The following DPY19L1 variants were observed in gnomAD, a reference collection of about 807,000 sequenced individuals.
DPY19L1 encodes protein C-mannosyl-transferase DPY19L1.
A neutral mutation model predicts 96.9 loss-of-function variants in DPY19L1; 35 were observed. The ratio of observed to expected loss-of-function variants is 0.36; its 90% CI spans 0.28 to 0.48. The LOEUF (loss-of-function observed/expected upper bound fraction) is 0.48, where lower values mean the gene tolerates loss of function less well. DPY19L1 is among the 20% of genes least tolerant of loss of function. The pLI is 0.99. For synonymous variants in DPY19L1, 205 were observed against 252.6 expected (o/e 0.81, Z 1.79); for missense variants, 521 against 777.9 (o/e 0.67, Z 3.93).
intron 21 of DPY19L1, among the ~76,000 whole-genome samples, chr7:34,932,300 A>G (rs1783770010): frequency 6.6e-6 from 1 of 152,236 alleles, no homozygotes; most frequent in South Asian, 2.1e-4. Flanking sequence ...CATTTAATAC[A>G]CCTAATCTAC....
chr7:34,994,213 CAT>C (rs1161965650), intron 6 of DPY19L1, among the ~76,000 whole-genome samples: 3 of 152,044 alleles, frequency 2.0e-5, no homozygotes, highest in Non-Finnish European at 2.9e-5. Context: ...CTAAAGGAAA[CAT>C]ATTAGGGATC....
intron 6 of DPY19L1, among the ~76,000 whole-genome samples, chr7:34,990,597 C>T (rs767686980): frequency 6.6e-6 from 1 of 151,934 alleles, no homozygotes; most frequent in Admixed American, 6.5e-5. Flanking sequence ...AGGCTTATAA[C>T]TCTAGGTAAG....
intron 21 of DPY19L1, among the ~76,000 whole-genome samples, chr7:34,932,243 A>G (rs1783767876): frequency 6.6e-6 from 1 of 152,180 alleles, no homozygotes; most frequent in East Asian, 1.9e-4. Flanking sequence ...ATGCTCCTCA[A>G]CTTACAATGG....
intron 1 of DPY19L1, 74 bp downstream of exon 1, chr7:35,037,023 G>C (rs924228697): frequency 2.0e-5 from 1 of 50,516 alleles, no homozygotes; most frequent in Non-Finnish European, 4.6e-5. Context: ...GAAGGAAGGG[G>C]AGGGGAGGGG....
rs532165622 is a variant in DPY19L1, at chr7:34,978,128, T to C, written c.823-4523A>G. ...ATATTGGGAATACAGTATGATCTAA[T>C]TGATTTATCTTCATAACTTCAAAAT... On this transcript the variant is annotated intron_variant, in intron 7 of 21. Coordinates refer to ENST00000638088, the MANE Select transcript of DPY19L1 (RefSeq NM_001366673.1). Among the ~76,000 whole-genome samples, 13 of 152,278 alleles carry C rather than the reference T, an allele frequency of 8.5e-5. No homozygotes were observed. In the South Asian group the frequency reaches 2.5e-3, roughly 29 times the overall value.
chr7:34,939,159 A>T lies in DPY19L1; in HGVS notation c.1964+117T>A, dbSNP rs191079954. ...TTTCAGCTTTCTGCTCCCTGACTCGATAAGCCTCAGTTCATCATATCCTTT... is the reference window on the plus strand; with the variant it reads ...TTTCAGCTTTCTGCTCCCTGACTCGTTAAGCCTCAGTTCATCATATCCTTT... On this transcript the variant is annotated intron_variant, in intron 20 of 21. Coordinates refer to ENST00000638088, the MANE Select transcript of DPY19L1 (RefSeq NM_001366673.1). 4.1e-4 allele frequency: 353 copies of T among 864,808 alleles called. 1 individual carries two copies. The African/African-American group carries it at 5.4e-3, about 13-fold the overall frequency. 53.6% of individuals were successfully genotyped at this position (864,808 alleles called of 1,614,324 possible).
rs1293382678 is a variant in DPY19L1, at chr7:34,929,339, C to A, written c.*2234G>T. 1 of 152,168 alleles carries A rather than the reference C, an allele frequency of 6.6e-6. No homozygotes were observed. Among genetic ancestry groups the A allele is most frequent in the Admixed American group, 6.5e-5 (1 of 15,284 alleles). 9.4% of individuals were successfully genotyped at this position (152,168 alleles called of 1,614,324 possible). The stretch of plus-strand genomic sequence containing the variant: ...CATAGCAGGGACCTTCAGGCCTCTG[C>A]TCCAAACTGGCTCCCCTAATATATA... On this transcript the variant is annotated 3_prime_UTR_variant, in exon 22 of 22. Coordinates refer to ENST00000638088, the MANE Select transcript of DPY19L1 (RefSeq NM_001366673.1).
At chr7:35,014,976 A>T (rs1166608015) in intron 3 of DPY19L1, among the ~76,000 whole-genome samples, 1 of 152,148 alleles carries the variant, frequency 6.6e-6, no homozygotes, top group Non-Finnish European at 1.5e-5. Context: ...AGAGGCTGAG[A>T]AGAGACAAGG....
chr7:34,955,905 C>A (rs1022687132), intron 11 of DPY19L1, among the ~76,000 whole-genome samples: 7 of 152,098 alleles, frequency 4.6e-5, no homozygotes, highest in African/African-American at 1.7e-4. Context: ...CAAATTAAAT[C>A]TTTTTGGAAG....
intron 6 of DPY19L1, among the ~76,000 whole-genome samples, chr7:35,004,888 AG>A (rs767381310): frequency 3.0e-4 from 45 of 152,304 alleles, no homozygotes; most frequent in Admixed American, 1.4e-3. Context: ...GACACTCCGC[AG>A]GGGCATTGTT....
At chr7:34,975,061 T>C (rs2128668971) in intron 7 of DPY19L1, among the ~76,000 whole-genome samples, 1 of 152,112 alleles carries the variant, frequency 6.6e-6, no homozygotes, top group East Asian at 1.9e-4. Flanking sequence ...GGCCTCCAAA[T>C]TCCCTGAGAC....
rs375533007 is a variant in DPY19L1, at chr7:34,988,934, A to G, written c.822+950T>C. On this transcript the variant is annotated intron_variant, in intron 7 of 21. Transcript: ENST00000638088. ...GCCAAACACTGCTCTAGGCATTTAC[A>G]CATATGAATTCACTTAGTCTCTGCA... is the stretch of plus-strand genomic sequence containing the variant. Among the ~76,000 whole-genome samples, 9 of 152,336 alleles carry G rather than the reference A, an allele frequency of 5.9e-5. No homozygotes were observed. The South Asian group carries it at 1.2e-3, about 21-fold the overall frequency.
intron 15 of DPY19L1, among the ~76,000 whole-genome samples, 177 bp downstream of exon 15, chr7:34,947,453 A>G (rs753712696): frequency 1.3e-5 from 2 of 152,214 alleles, no homozygotes; most frequent in African/African-American, 4.8e-5. Flanking sequence ...AGCAGATAGA[A>G]TATTTTGAAG....
Position 34,954,742 on chromosome 7 carries a change from T to C in DPY19L1, c.1276A>G (p.Ile426Val), listed in dbSNP as rs1784342367. Reference protein sequence around the residue: ...QGCFWLFGTVILKYLTSKIFG... With the variant: ...QGCFWLFGTVVLKYLTSKIFG... ...ATTTTAGATGTCAAGTATTTAAGTA[T>C]GACAGTTCCAAATAACCAAAAACAT... The change falls in exon 13 of 22, where the codon ATA becomes GTA. Residue 426 changes from isoleucine (I) to valine (V), a missense_variant. Ile to Val is a conservative substitution (Grantham distance 29). Transcript: ENST00000638088. The C allele has an allele frequency of 3.2e-6, 5 of 1,566,634 alleles. No homozygotes were observed. The highest frequency in any genetic ancestry group is 1.8e-5 in the Admixed American group (1 of 55,264).
intron 7 of DPY19L1, among the ~76,000 whole-genome samples, chr7:34,974,552 T>C (rs533676444): frequency 3.3e-5 from 5 of 152,226 alleles, no homozygotes; most frequent in Non-Finnish European, 7.3e-5. Context: ...TATCTATTTA[T>C]GAATGAACTA....
chr7:35,030,927 T>G (rs924895582), intron 1 of DPY19L1, among the ~76,000 whole-genome samples: 1 of 152,174 alleles, frequency 6.6e-6, no homozygotes, highest in African/African-American at 2.4e-5. Flanking sequence ...CTAGCTTTGA[T>G]GACTAGTAAC....
intron 17 of DPY19L1, 80 bp from the exon 18 acceptor site, chr7:34,941,964 G>C (rs1161846755): frequency 1.3e-5 from 19 of 1,414,620 alleles, no homozygotes; most frequent in Non-Finnish European, 1.8e-5. Context: ...TGCAGAAAGG[G>C]GTACGTTCTC....
At chr7:35,030,045 A>C (rs1441690832) in intron 1 of DPY19L1, among the ~76,000 whole-genome samples, 1 of 152,242 alleles carries the variant, frequency 6.6e-6, no homozygotes, top group Non-Finnish European at 1.5e-5. Context: ...CATGGATATG[A>C]AAGATGAGAA....
chr7:34,985,397 G>A (rs1296747764), intron 7 of DPY19L1, among the ~76,000 whole-genome samples: 2 of 152,090 alleles, frequency 1.3e-5, no homozygotes, highest in Non-Finnish European at 2.9e-5. Context: ...TCAACCCGAG[G>A]ATTGGGAGAA....
Sources: gnomAD v4.1 joint callset for allele counts (sites outside exome capture counted in the v4.1 genomes callset) on GRCh38, gnomAD v4.1.1 for gene constraint, MANE v1.5 for transcripts, NCBI Gene and HGNC (gene_info 2026-07-23, HGNC 2026-07-21) for gene names.